Variants in DMTF1 observed in about 807,000 individuals in gnomAD.
DMTF1 encodes cyclin-D-binding Myb-like transcription factor 1.
DMTF1 carries 39 observed loss-of-function variants against 91.1 expected under a neutral mutation model. The observed-to-expected ratio is 0.43, with a 90% confidence interval of 0.33 to 0.56. The LOEUF is 0.56. Ranked by LOEUF, DMTF1 falls within the 20% of genes least tolerant of loss-of-function variation. The pLI, the probability that DMTF1 is intolerant of heterozygous loss-of-function variation, is 0.05. For missense variants in DMTF1, 750 were observed against 914.5 expected, an observed-to-expected ratio of 0.82 and a Z score of 2.32; for synonymous variants, 338 against 309.5, an observed-to-expected ratio of 1.09 and a Z score of -0.97.
intron 2 of DMTF1, among the ~76,000 whole-genome samples, chr7:87,164,545 T>C (rs1793346165): frequency 6.6e-6 from 1 of 152,154 alleles, no homozygotes; most frequent in South Asian, 2.1e-4. Context: ...GATAAAAGTT[T>C]TGATGAATCT....
At chr7:87,155,747 G>A (rs879029493) in intron 1 of DMTF1, among the ~76,000 whole-genome samples, 14 of 79,912 alleles carry the variant, frequency 1.8e-4, no homozygotes, top group African/African-American at 5.6e-4. Context: ...CCCCACCCCC[G>A]CCCCACCCAA....
rs576821782 is a variant in DMTF1, at chr7:87,191,919, A to G, written c.1494+892A>G. 1.3e-3 allele frequency among the ~76,000 whole-genome samples: 196 copies of G among 152,242 alleles called. 1 individual carries two copies. The highest frequency in any genetic ancestry group is 4.4e-3 in the African/African-American group (184 of 41,568). On this transcript the variant is annotated intron_variant, in intron 14 of 17. Coordinates refer to ENST00000331242, the MANE Select transcript of DMTF1 (RefSeq NM_001142327.2). Reference sequence around the variant, plus strand: ...AACACAGAGTTATTATTAGTGCAAGACTTTATTCATCCTCTCCCCAGCCAA... The same window carrying G: ...AACACAGAGTTATTATTAGTGCAAGGCTTTATTCATCCTCTCCCCAGCCAA...
chr7:87,184,938 A>G (rs1584414141), intron 11 of DMTF1: 2 of 491,984 alleles, frequency 4.1e-6, no homozygotes, highest in Non-Finnish European at 4.0e-6. Context: ...TGTCCCACCA[A>G]TGTGCCTCAG....
At chr7:87,191,148 A>C in intron 14 of DMTF1, 121 bp downstream of exon 14, 1 of 610,296 alleles carries the variant, frequency 1.6e-6, no homozygotes, top group Non-Finnish European at 2.8e-6. Flanking sequence ...TGGTAGACTA[A>C]ATCAGACTTC....
In DMTF1 at chr7:87,194,122, C is replaced by T. The variant is rs2129202791; in HGVS notation, c.2028+20C>T. The T allele has an allele frequency of 2.6e-6, 4 of 1,536,802 alleles. No homozygotes were observed. The highest frequency in any genetic ancestry group is 3.5e-6 in the Non-Finnish European group (4 of 1,145,290). ...ACTGAGGTAAGTTGTACTTTAAGAA[C>T]AACTGAATGGATTCTTGCCTTGAGC... On this transcript the variant is annotated intron_variant, in intron 16 of 17. Transcript: ENST00000331242.
At position 87,188,182 on chromosome 7, in the gene DMTF1, G is replaced by A; in HGVS notation, c.1292G>A (p.Ser431Asn). 1 of 1,613,942 alleles carries A rather than the reference G, an allele frequency of 6.2e-7. No individual in the cohort carries two copies. Among genetic ancestry groups the A allele is most frequent in the Non-Finnish European group, 8.5e-7 (1 of 1,179,926 alleles). The change falls in exon 13 of 18, where the codon AGT (serine) becomes AAT (asparagine). Residue 431 changes from serine (S) to asparagine (N), a missense_variant. Coordinates refer to ENST00000331242, the MANE Select transcript of DMTF1 (RefSeq NM_001142327.2). ...AAATCAGGATCTGGAGTTCCAAACA[G>A]TAATACCAATTCCAGTGTGCAGCAT... Reference protein sequence around the residue: ...ENKSGSGVPNSNTNSSVQHVQ... With the variant: ...ENKSGSGVPNNNTNSSVQHVQ...
intron 16 of DMTF1, 49 bp from the exon 17 acceptor site, chr7:87,194,635 G>A: frequency 1.4e-6 from 2 of 1,402,572 alleles, no homozygotes; most frequent in Non-Finnish European, 2.0e-6. Context: ...GGATTTTAAG[G>A]AAGACTAGTA....
intron 4 of DMTF1, among the ~76,000 whole-genome samples, chr7:87,170,788 C>G (rs1794895706): frequency 6.6e-6 from 1 of 152,180 alleles, no homozygotes; most frequent in Non-Finnish European, 1.5e-5. Flanking sequence ...TTGCTCACTG[C>G]TATATCCCCA....
chr7:87,191,830 T>C (rs1799868903), intron 14 of DMTF1, among the ~76,000 whole-genome samples: 2 of 152,270 alleles, frequency 1.3e-5, no homozygotes, highest in South Asian at 2.1e-4. Flanking sequence ...CAAGTAAACC[T>C]ATAATTCATA....
chr7:87,185,795 T>G (rs1798280958), intron 11 of DMTF1, 34 bp from the exon 12 acceptor site: 4 of 1,611,874 alleles, frequency 2.5e-6, no homozygotes, highest in Middle Eastern at 1.7e-4. Flanking sequence ...AGAAATTAAT[T>G]TAATGTCTAA....
intron 4 of DMTF1, 22 bp downstream of exon 4, chr7:87,166,627 G>T: frequency 6.5e-7 from 1 of 1,532,582 alleles, no homozygotes. Flanking sequence ...CGTATTAAGA[G>T]CCATAGAGTT....
In DMTF1 at chr7:87,184,393, T is replaced by G; in HGVS notation, c.821-4T>G. ...TGGTAGTCTGGATGATTTCCTTTTTTCAGGGAAGTGGACAGAAGAAGAAGA... is the reference window on the plus strand; with the variant it reads ...TGGTAGTCTGGATGATTTCCTTTTTGCAGGGAAGTGGACAGAAGAAGAAGA... On this transcript the variant is annotated splice_polypyrimidine_tract_variant and splice_region_variant and intron_variant, in intron 10 of 17. Coordinates refer to ENST00000331242, the MANE Select transcript of DMTF1 (RefSeq NM_001142327.2). 2 of 1,612,838 alleles carry G rather than the reference T, an allele frequency of 1.2e-6. No homozygotes were observed. Among genetic ancestry groups the G allele is most frequent in the Non-Finnish European group, 1.7e-6 (2 of 1,179,368 alleles).
At chr7:87,155,156 G>A (rs1488858093) in intron 1 of DMTF1, among the ~76,000 whole-genome samples, 1 of 152,192 alleles carries the variant, frequency 6.6e-6, no homozygotes, top group East Asian at 1.9e-4. Context: ...AAAATATTGA[G>A]GGAGCTTAGA....
Position 87,182,392 on chromosome 7 carries a change from C to T in DMTF1, c.820+55C>T, listed in dbSNP as rs1016587674. 3 of 1,550,320 alleles carry T rather than the reference C, an allele frequency of 1.9e-6. No individual in the cohort carries two copies. In the Admixed American group the frequency reaches 5.1e-5, roughly 26 times the overall value. ...TTGTCACCACTTAAGCCTCCTGCCC[C>T]TTAGGATACTGCCTTTTCTTTGCTC... On this transcript the variant is annotated intron_variant, in intron 10 of 17. Transcript: ENST00000331242.
Position 87,170,927 on chromosome 7 carries a change from T to C in DMTF1, c.233-68T>C, listed in dbSNP as rs1332751315. ...TTAGATGATCATGTTTTTTTTCCCATGGATATTTTTAGAATAATTAGAACT... is the reference window on the plus strand; with the variant it reads ...TTAGATGATCATGTTTTTTTTCCCACGGATATTTTTAGAATAATTAGAACT... On this transcript the variant is annotated intron_variant, in intron 4 of 17. Coordinates refer to ENST00000331242, the MANE Select transcript of DMTF1 (RefSeq NM_001142327.2). The C allele has an allele frequency of 3.0e-5, 31 of 1,029,888 alleles. 1 individual carries two copies. The South Asian group carries it at 3.6e-4, about 12-fold the overall frequency. The allele number at this position is 1,029,888 out of a possible 1,614,324, so 63.8% of individuals were successfully genotyped here.
At chr7:87,187,478 G>A (rs529026441) in intron 12 of DMTF1, 7 of 152,512 alleles carry the variant, frequency 4.6e-5, no homozygotes, top group African/African-American at 1.7e-4. Flanking sequence ...CCAGGGGTTC[G>A]AGGCTGCAGT....
chr7:87,178,650 A>G (rs1019942966), intron 7 of DMTF1, among the ~76,000 whole-genome samples: 1 of 152,044 alleles, frequency 6.6e-6, no homozygotes, highest in African/African-American at 2.4e-5. Flanking sequence ...GTGCTAAAAT[A>G]TTATTAGGAT....
At chr7:87,171,274 T>TTAA (rs35662461) in intron 5 of DMTF1, among the ~76,000 whole-genome samples, 185 bp downstream of exon 5, 5,607 of 152,240 alleles carry the variant, frequency 0.037, 125 homozygotes, top group East Asian at 0.065. Flanking sequence ...TGCCAAAGAG[T>TTAA]TGAGTTATAA....
At chr7:87,190,258 A>C (rs1230935053) in intron 13 of DMTF1, among the ~76,000 whole-genome samples, 2 of 152,030 alleles carry the variant, frequency 1.3e-5, no homozygotes, top group African/African-American at 4.8e-5. Context: ...ATTTGTGTTT[A>C]CAAGCACTTT....
Sources: allele counts gnomAD v4.1 joint callset (sites outside exome capture counted in the v4.1 genomes callset), GRCh38; gene constraint gnomAD v4.1.1; transcripts MANE v1.5; gene names NCBI Gene and HGNC (gene_info 2026-07-23, HGNC 2026-07-21).